Variants in CD99 observed in about 807,000 individuals in gnomAD.
The protein encoded by CD99 is CD99 molecule (Xg blood group).
A neutral mutation model predicts 28.4 loss-of-function variants in CD99; 19 were observed. The ratio of observed to expected loss-of-function variants is 0.67; its 90% confidence interval spans 0.47 to 0.98. The LOEUF (loss-of-function observed/expected upper bound fraction) is 0.98, where lower values mean the gene tolerates loss of function less well. Ranked by LOEUF, CD99 falls within the 50% of genes least tolerant of loss-of-function variation. The pLI is 0.00. For synonymous variants in CD99, 103 were observed against 92.1 expected (o/e 1.12, Z -0.67); for missense variants, 283 against 248.8 (o/e 1.14, Z -0.92).
chrX:2,722,947 T>C (rs1033542907), intron 6 of CD99, among the ~76,000 whole-genome samples: 6 of 152,226 alleles, frequency 3.9e-5, no homozygotes, highest in Admixed American at 6.5e-5. Flanking sequence ...TGGGCCCTTG[T>C]CACCACCTCC....
In CD99 at chrX:2,736,654, A is replaced by G. The variant is rs1159725056; in HGVS notation, c.476-1546A>G. Among the ~76,000 whole-genome samples the G allele has an allele frequency of 7.2e-5, 11 of 151,920 alleles. No individual in the cohort carries two copies. In the South Asian group the frequency reaches 1.0e-3, roughly 14 times the overall value. ...GGGCGGATCACAAGGTCAGGAGATC[A>G]AGACCATCCTGGCTAACACGGTGGA... On this transcript the variant is annotated intron_variant, in intron 8 of 9. Coordinates refer to ENST00000381192, the MANE Select transcript of CD99 (RefSeq NM_002414.5).
rs529107020 is a variant in CD99, at chrX:2,736,213, A to G, written c.476-1987A>G. ...CAAGACTCTGTCTCAAAAAAAAAAA[A>G]AAAAGAAAAGAAAAAGAAAAGTTAC... On this transcript the variant is annotated intron_variant, in intron 8 of 9. Coordinates refer to ENST00000381192, the MANE Select transcript of CD99 (RefSeq NM_002414.5). Among the ~76,000 whole-genome samples, 7 of 151,568 alleles carry G rather than the reference A, an allele frequency of 4.6e-5. No individual in the cohort carries two copies. The South Asian group carries it at 1.3e-3, about 27-fold the overall frequency.
chrX:2,732,614 C>A (rs2049690153), intron 8 of CD99, among the ~76,000 whole-genome samples: 1 of 149,832 alleles, frequency 6.7e-6, no homozygotes, highest in East Asian at 2.3e-4. Context: ...CTTCCTCCCT[C>A]CCTCCCTTCT....
At chrX:2,734,824 T>C (rs753453511) in intron 8 of CD99, among the ~76,000 whole-genome samples, 1 of 152,254 alleles carries the variant, frequency 6.6e-6, no homozygotes, top group Admixed American at 6.5e-5. Flanking sequence ...TTTAATTTTT[T>C]CTTACTTCTT....
chrX:2,720,268 G>T, intron 4 of CD99, 88 bp from the exon 5 acceptor site: 1 of 1,219,594 alleles, frequency 8.2e-7, no homozygotes, highest in Non-Finnish European at 1.2e-6. Flanking sequence ...TCCAATTTCT[G>T]TTCAGGGAAC....
intron 7 of CD99, 64 bp from the exon 8 acceptor site, chrX:2,726,196 C>T: frequency 2.1e-6 from 2 of 959,524 alleles, no homozygotes; most frequent in Non-Finnish European, 3.3e-6. Flanking sequence ...CCAGCCACTG[C>T]CCCCTGGGAT....
intron 2 of CD99, 52 bp downstream of exon 2, chrX:2,714,506 A>G (rs1250742602): frequency 2.8e-6 from 4 of 1,409,764 alleles, no homozygotes; most frequent in Non-Finnish European, 4.0e-6. Flanking sequence ...ATGTTAACAT[A>G]GTATATACAG....
At chrX:2,728,802 A>G (rs1475206261) in intron 8 of CD99, among the ~76,000 whole-genome samples, 3 of 148,608 alleles carry the variant, frequency 2.0e-5, no homozygotes, top group Non-Finnish European at 4.4e-5. Flanking sequence ...AGGATGCGTA[A>G]TATTCTAGAT....
intron 8 of CD99, among the ~76,000 whole-genome samples, chrX:2,736,097 G>A (rs1409641733): frequency 6.6e-6 from 1 of 151,810 alleles, no homozygotes; most frequent in East Asian, 1.9e-4. Context: ...AGCTACTCGG[G>A]AGGCTGAGGC....
At chrX:2,701,291 C>G (rs182687696) in intron 1 of CD99, among the ~76,000 whole-genome samples, 38 of 152,360 alleles carry the variant, frequency 2.5e-4, no homozygotes, top group African/African-American at 8.7e-4. Context: ...ATCCACCCTC[C>G]CAGTCCATGG....
chrX:2,704,043 A>G lies in CD99; in HGVS notation c.68-10379A>G, dbSNP rs775135920. Among the ~76,000 whole-genome samples, 89 of 152,174 alleles carry G rather than the reference A, an allele frequency of 5.8e-4. 1 individual carries two copies. Among genetic ancestry groups the G allele is most frequent in the African/African-American group, 2.0e-3 (84 of 41,518 alleles). On this transcript the variant is annotated intron_variant, in intron 1 of 9. Coordinates refer to ENST00000381192, the MANE Select transcript of CD99 (RefSeq NM_002414.5). Reference sequence around the variant, plus strand: ...AGTTTGTTAAAAATGCAGGCTCATGAGCCTCACCCCAGACCACAGAACGAA... The same window carrying G: ...AGTTTGTTAAAAATGCAGGCTCATGGGCCTCACCCCAGACCACAGAACGAA...
At chrX:2,733,326 A>AT (rs1274013112) in intron 8 of CD99, 1 of 1,560,136 alleles carries the variant, frequency 6.4e-7, no homozygotes, top group Admixed American at 1.9e-5. Context: ...TTGTATTATT[A>AT]TTTTTTATCG....
intron 1 of CD99, chrX:2,691,731 T>TA: frequency 1.4e-6 from 1 of 719,926 alleles, no homozygotes; most frequent in East Asian, 2.6e-5. Context: ...GGGACCTTCT[T>TA]ACAGATCTCT....
chrX:2,728,823 A>G (rs1258429389), intron 8 of CD99, among the ~76,000 whole-genome samples: 1 of 148,502 alleles, frequency 6.7e-6, no homozygotes, highest in Non-Finnish European at 1.5e-5. Context: ...GTTGTATTTC[A>G]AACTCTCTGG....
At chrX:2,695,141 T>C (rs1177619834) in intron 1 of CD99, among the ~76,000 whole-genome samples, 1 of 152,064 alleles carries the variant, frequency 6.6e-6, no homozygotes, top group Non-Finnish European at 1.5e-5. Context: ...AAGAATTACG[T>C]GTCCTTTGTG....
intron 8 of CD99, among the ~76,000 whole-genome samples, chrX:2,728,871 C>T (rs1232816511): frequency 7.3e-6 from 1 of 137,428 alleles, no homozygotes; most frequent in Non-Finnish European, 1.5e-5. Flanking sequence ...GAGTCTCGCT[C>T]TATCGCCCAG....
At chrX:2,707,804 T>C (rs2048194938) in intron 1 of CD99, among the ~76,000 whole-genome samples, 1 of 152,144 alleles carries the variant, frequency 6.6e-6, no homozygotes, top group South Asian at 2.1e-4. Flanking sequence ...TTGCAGCTCT[T>C]GCTGGGTGGG....
chrX:2,691,608 A>T (rs556468212), intron 1 of CD99, 181 bp downstream of exon 1: 1 of 733,050 alleles, frequency 1.4e-6, no homozygotes, highest in African/African-American at 1.7e-5. Context: ...TTTCTCCCCA[A>T]CGCTTTTCCT....
chrX:2,714,766 A>G (rs750979931), intron 2 of CD99: 22 of 300,672 alleles, frequency 7.3e-5, no homozygotes, highest in African/African-American at 4.2e-4. Flanking sequence ...CTGGCTTGCC[A>G]CAGGGTTGCT....
Sources: gnomAD v4.1 joint callset for allele counts (sites outside exome capture counted in the v4.1 genomes callset) on GRCh38, gnomAD v4.1.1 for gene constraint, MANE v1.5 for transcripts, NCBI Gene and HGNC (gene_info 2026-07-23, HGNC 2026-07-21) for gene names.